Variants in RYK observed in about 807,000 individuals in gnomAD.
RYK encodes inactive tyrosine-protein kinase RYK.
Under a neutral mutation model 70.2 loss-of-function variants are expected in RYK, and 21 were observed. The ratio of observed to expected loss-of-function variants is 0.30; its 90% confidence interval spans 0.21 to 0.43. The LOEUF (loss-of-function observed/expected upper bound fraction) is 0.43. Ranked by LOEUF, RYK falls within the 20% of genes least tolerant of loss-of-function variation. The pLI is 1.00. For missense variants in RYK, 604 were observed against 753.3 expected (o/e 0.80, Z 2.32); for synonymous variants, 267 against 278.0 (o/e 0.96, Z 0.39).
At chr3:134,217,682 C>T (rs1469302193) in intron 2 of RYK, among the ~76,000 whole-genome samples, 1 of 152,128 alleles carries the variant, frequency 6.6e-6, no homozygotes, top group African/African-American at 2.4e-5. Flanking sequence ...AGCTTATATA[C>T]ACACGAACTA....
chr3:134,231,193 CAAAAA>C (rs76361855), intron 1 of RYK, among the ~76,000 whole-genome samples: 1 of 107,434 alleles, frequency 9.3e-6, no homozygotes, highest in Non-Finnish European at 2.0e-5. Flanking sequence ...CAGACAAGAC[CAAAAA>C]AAAAAAAAAA....
chr3:134,176,026 T>C lies in RYK; in HGVS notation c.1319A>G (p.Gln440Arg), dbSNP rs1224212115. The C allele has an allele frequency of 2.5e-6, 4 of 1,595,920 alleles. No individual in the cohort carries two copies. The highest frequency in any genetic ancestry group is 2.6e-6 in the Non-Finnish European group (3 of 1,169,892). ...EANNPQAISQ[Q>R]DLVHMAIQIA... ...CTGAATAGCCATGTGTACCAGGTCT[T>C]GCTGAGAAATTGCCTGTGGTAACAA... Residue 440 changes from glutamine to arginine, a missense_variant, in exon 12 of 15, where the codon CAA becomes CGA. This residue lies in a region of RYK where 138 missense variants were observed against 217.4 expected (regional missense o/e 0.63). Coordinates refer to ENST00000623711, the MANE Select transcript of RYK (RefSeq NM_002958.4).
intron 13 of RYK, among the ~76,000 whole-genome samples, chr3:134,161,881 GTAGTT>G (rs1427810505): frequency 6.6e-6 from 1 of 151,100 alleles, no homozygotes; most frequent in Admixed American, 6.6e-5. Flanking sequence ...CCACAAACGA[GTAGTT>G]TAAACAACAG....
rs543150917 is a variant in RYK, at chr3:134,242,253, C to T, written c.232+8170G>A. ...CCAGGAGGCAGAGGTTGCAGTGAGC[C>T]GAGATCATGCCATTACACTCCAGCC... On this transcript the variant is annotated intron_variant, in intron 1 of 14. Coordinates refer to ENST00000623711, the MANE Select transcript of RYK (RefSeq NM_002958.4). Among the ~76,000 whole-genome samples, 445 of 151,050 alleles carry T rather than the reference C, an allele frequency of 2.9e-3. 1 individual carries two copies. The highest frequency in any genetic ancestry group is 0.01 in the African/African-American group (416 of 41,074).
At chr3:134,163,878 C>T (rs2012566604) in intron 13 of RYK, among the ~76,000 whole-genome samples, 1 of 152,106 alleles carries the variant, frequency 6.6e-6, no homozygotes, top group Admixed American at 6.5e-5. Context: ...ATTAAATGAA[C>T]CTGGGTTAAG....
At chr3:134,179,132 TA>T (rs2013208503) in intron 10 of RYK, 1 of 152,246 alleles carries the variant, frequency 6.6e-6, no homozygotes, top group Middle Eastern at 3.4e-3. Flanking sequence ...GAAAGTAAGA[TA>T]AAAAATTCCC....
chr3:134,220,770 A>C (rs1422884503), intron 2 of RYK, among the ~76,000 whole-genome samples: 3 of 152,338 alleles, frequency 2.0e-5, no homozygotes, highest in African/African-American at 4.8e-5. Flanking sequence ...TTTTTAAATA[A>C]AAGAAATAGC....
chr3:134,195,059 T>C (rs2013769433), intron 7 of RYK, 23 bp downstream of exon 7: 1 of 1,542,208 alleles, frequency 6.5e-7, no homozygotes, highest in Non-Finnish European at 9.0e-7. Flanking sequence ...GTAAACTGGC[T>C]TTAGAATTAA....
At chr3:134,240,759 T>C (rs1273635898) in intron 1 of RYK, among the ~76,000 whole-genome samples, 1 of 152,184 alleles carries the variant, frequency 6.6e-6, no homozygotes, top group African/African-American at 2.4e-5. Context: ...CAAATTTTAG[T>C]ATGTGTGGAC....
intron 4 of RYK, among the ~76,000 whole-genome samples, chr3:134,209,042 T>C (rs2014309782): frequency 2.0e-5 from 3 of 152,324 alleles, no homozygotes; most frequent in East Asian, 1.9e-4. Flanking sequence ...AGGAGAACTC[T>C]AAAATTCTTT....
At chr3:134,214,990 T>C (rs1355473464) in intron 2 of RYK, among the ~76,000 whole-genome samples, 2 of 152,240 alleles carry the variant, frequency 1.3e-5, no homozygotes, top group Non-Finnish European at 2.9e-5. Context: ...TCTCTCACTC[T>C]CTTTTACCTT....
At chr3:134,200,712 T>C (rs1226736392) in intron 6 of RYK, among the ~76,000 whole-genome samples, 1 of 152,218 alleles carries the variant, frequency 6.6e-6, no homozygotes, top group Non-Finnish European at 1.5e-5. Context: ...GAGACACACA[T>C]AGGCTATATA....
At position 134,191,863 on chromosome 3, in the gene RYK, T is replaced by C. The variant is rs1277869799; in HGVS notation, c.1001A>G (p.Asp334Gly). Residue 334 changes from aspartate (D) to glycine (G), a missense_variant, in exon 8 of 15, where the codon GAT becomes GGT. Around this residue, in one of 2 missense-constraint regions of RYK, gnomAD observed 466 missense variants for 535.9 expected, o/e 0.87. Transcript: ENST00000623711. The part of the protein sequence containing the change: ...AISRERITLK[D>G]VLQEGTFGRI... Reference sequence around the variant, plus strand: ...ATAATAAATACCTTCTTGGAGTACATCTTTTAGAGTTATCCTCTCTCTGGA... The same window carrying C: ...ATAATAAATACCTTCTTGGAGTACACCTTTTAGAGTTATCCTCTCTCTGGA... 1.2e-6 allele frequency: 2 copies of C among 1,609,716 alleles called. No individual in the cohort carries two copies. The highest frequency in any genetic ancestry group is 1.7e-6 in the Non-Finnish European group (2 of 1,178,138).
rs371038492 is a variant in RYK at position 134,187,746 on chromosome 3, C to CG, written c.1102+1090dup. ...CTTTTTTTTTTTTTTTTTGTAGAGA[C>CG]GGGGGGTCTTGCTATATCGCCCAGG... On this transcript the variant is annotated intron_variant, in intron 9 of 14. Coordinates refer to ENST00000623711, the MANE Select transcript of RYK (RefSeq NM_002958.4). 5.7e-3 allele frequency among the ~76,000 whole-genome samples: 803 copies of CG among 141,788 alleles called. 11 individuals carry two copies. The highest frequency in any genetic ancestry group is 0.019 in the African/African-American group (721 of 37,666). The allele number at this position is 141,788 out of a possible 152,430, so 93.0% of individuals were successfully genotyped here.
At chr3:134,200,478 A>G (rs1448103156) in intron 6 of RYK, among the ~76,000 whole-genome samples, 1 of 152,162 alleles carries the variant, frequency 6.6e-6, no homozygotes, top group East Asian at 1.9e-4. Flanking sequence ...TAAGAACTGT[A>G]ACACTCACCG....
intron 1 of RYK, among the ~76,000 whole-genome samples, chr3:134,237,043 A>T (rs974139983): frequency 6.6e-6 from 1 of 152,176 alleles, no homozygotes; most frequent in African/African-American, 2.4e-5. Context: ...ATTTTTAAAC[A>T]ACTCAAATTC....
At chr3:134,227,708 C>T (rs902779666) in intron 1 of RYK, among the ~76,000 whole-genome samples, 1 of 151,626 alleles carries the variant, frequency 6.6e-6, no homozygotes, top group African/African-American at 2.4e-5. Context: ...CTTGCTCTGT[C>T]GCCGAGGCTG....
chr3:134,203,803 A>G (rs940418969), intron 5 of RYK, among the ~76,000 whole-genome samples: 14 of 152,232 alleles, frequency 9.2e-5, no homozygotes, highest in African/African-American at 3.4e-4. Flanking sequence ...GTACTGTCCA[A>G]TACAGTAGCC....
intron 9 of RYK, among the ~76,000 whole-genome samples, chr3:134,184,961 CAAAAAAA>C (rs34543975): frequency 1.5e-4 from 12 of 80,104 alleles, no homozygotes; most frequent in African/African-American, 2.9e-4. Context: ...CCCATCTCTA[CAAAAAAA>C]AAAAAAAAAA....
Sources: gnomAD v4.1 joint callset for allele counts (sites outside exome capture counted in the v4.1 genomes callset) on GRCh38, gnomAD v4.1.1 for gene constraint, gnomAD v4.1.1 regional missense constraint, MANE v1.5 for transcripts, NCBI Gene and HGNC (gene_info 2026-07-23, HGNC 2026-07-21) for gene names.